CPA6: variants seen among roughly 807,000 people sequenced by gnomAD.
CPA6 encodes carboxypeptidase B.
CPA6 carries 58 observed loss-of-function variants against 63.3 expected under a neutral mutation model. The ratio of observed to expected loss-of-function variants is 0.92; its 90% CI spans 0.74 to 1.14. The LOEUF is 1.14. CPA6 is among the 50% of genes most tolerant of loss of function. The pLI is 0.00. For missense variants in CPA6, 565 were observed against 526.6 expected, an observed-to-expected ratio of 1.07 and a Z score of -0.71; for synonymous variants, 185 against 179.0, an observed-to-expected ratio of 1.03 and a Z score of -0.27.
chr8:67,681,595 G>C (rs1395171339), intron 1 of CPA6, among the ~76,000 whole-genome samples: 1 of 152,022 alleles, frequency 6.6e-6, no homozygotes, highest in Non-Finnish European at 1.5e-5. Flanking sequence ...AATTGTGCAA[G>C]GTATGCATGT....
At chr8:67,584,050 T>C (rs1460466524) in intron 2 of CPA6, among the ~76,000 whole-genome samples, 1 of 152,036 alleles carries the variant, frequency 6.6e-6, no homozygotes, top group Non-Finnish European at 1.5e-5. Context: ...CCCAGCTACT[T>C]GGGAGACTGA....
At chr8:67,428,355 T>C (rs1193107814) in intron 9 of CPA6, among the ~76,000 whole-genome samples, 1 of 152,202 alleles carries the variant, frequency 6.6e-6, no homozygotes, top group African/African-American at 2.4e-5. Context: ...TCAATAATAT[T>C]TTCATTTTAT....
chr8:67,541,293 C>A (rs1052531218), intron 2 of CPA6, among the ~76,000 whole-genome samples: 1 of 151,982 alleles, frequency 6.6e-6, no homozygotes, highest in South Asian at 2.1e-4. Flanking sequence ...AGGAGACTAC[C>A]CCTCATATTG....
intron 1 of CPA6, among the ~76,000 whole-genome samples, chr8:67,733,069 A>G (rs1227907564): frequency 3.3e-5 from 5 of 151,458 alleles, no homozygotes; most frequent in South Asian, 2.1e-4. Context: ...GGTGGCGGGC[A>G]CCTGTAGTCC....
chr8:67,628,856 C>T (rs1055910228), intron 1 of CPA6, among the ~76,000 whole-genome samples: 21 of 152,184 alleles, frequency 1.4e-4, no homozygotes, highest in African/African-American at 3.9e-4. Flanking sequence ...GTGGCTCATG[C>T]CTGTAATACC....
At chr8:67,579,279 G>A (rs1813705543) in intron 2 of CPA6, among the ~76,000 whole-genome samples, 1 of 152,130 alleles carries the variant, frequency 6.6e-6, no homozygotes. Context: ...CAGGTGTGGT[G>A]GTGGGTGCCT....
chr8:67,706,017 T>C (rs1817126676), intron 1 of CPA6, among the ~76,000 whole-genome samples: 2 of 152,184 alleles, frequency 1.3e-5, no homozygotes, highest in South Asian at 4.1e-4. Context: ...ATTTTTGTCC[T>C]AAAGTAAAAT....
intron 2 of CPA6, among the ~76,000 whole-genome samples, chr8:67,552,973 C>A (rs577258609): frequency 6.6e-6 from 1 of 152,054 alleles, no homozygotes; most frequent in East Asian, 1.9e-4. Flanking sequence ...ATTTATGAAG[C>A]TGTGAAATTA....
intron 2 of CPA6, among the ~76,000 whole-genome samples, chr8:67,621,116 T>A (rs1419529301): frequency 1.3e-5 from 2 of 152,218 alleles, no homozygotes; most frequent in Non-Finnish European, 1.5e-5. Context: ...CAACACTGCA[T>A]GTTTGTTGTC....
chr8:67,724,862 C>A (rs1817567995), intron 1 of CPA6, among the ~76,000 whole-genome samples: 1 of 152,302 alleles, frequency 6.6e-6, no homozygotes. Flanking sequence ...CAAGGCCCTG[C>A]CTTAAGGATA....
At chr8:67,495,500 G>GT (rs565638329) in intron 6 of CPA6, among the ~76,000 whole-genome samples, 60 of 152,122 alleles carry the variant, frequency 3.9e-4, no homozygotes, top group African/African-American at 1.3e-3. Context: ...TTTTTTATAT[G>GT]TTTTTTTCAC....
chr8:67,614,275 G>A (rs1306944130), intron 2 of CPA6, among the ~76,000 whole-genome samples: 1 of 152,178 alleles, frequency 6.6e-6, no homozygotes, highest in Non-Finnish European at 1.5e-5. Flanking sequence ...TGAGCAGTGG[G>A]GTGACTGAAC....
intron 2 of CPA6, among the ~76,000 whole-genome samples, chr8:67,594,082 G>A (rs1388691395): frequency 6.6e-6 from 1 of 151,936 alleles, no homozygotes; most frequent in African/African-American, 2.4e-5. Flanking sequence ...AGGCCTGGTG[G>A]TGACAAAATC....
At chr8:67,650,593 T>G (rs549824110) in intron 1 of CPA6, among the ~76,000 whole-genome samples, 1 of 152,224 alleles carries the variant, frequency 6.6e-6, no homozygotes, top group Admixed American at 6.5e-5. Flanking sequence ...GCCAGAGAAA[T>G]GCCATGTGCT....
Position 67,522,497 on chromosome 8 carries a change from G to A in CPA6, c.193-4450C>T, listed in dbSNP as rs189027618. Among the ~76,000 whole-genome samples the A allele has an allele frequency of 7.9e-5, 12 of 152,310 alleles. No homozygotes were observed. The South Asian group carries it at 1.0e-3, about 13-fold the overall frequency. The stretch of plus-strand genomic sequence containing the variant: ...AAACTGCTGGGTGTTAAATGCCCCC[G>A]TTCACCGAGTTGCAGGCGCAGGACT... On this transcript the variant is annotated intron_variant, in intron 2 of 10. Transcript: ENST00000297770.
intron 1 of CPA6, among the ~76,000 whole-genome samples, chr8:67,652,258 A>G (rs997150356): frequency 6.6e-6 from 1 of 152,254 alleles, no homozygotes; most frequent in Admixed American, 6.5e-5. Context: ...GTATATACCC[A>G]GTAATGGAAT....
intron 2 of CPA6, among the ~76,000 whole-genome samples, chr8:67,542,306 T>A (rs2128971068): frequency 6.6e-6 from 1 of 152,354 alleles, no homozygotes; most frequent in East Asian, 1.9e-4. Context: ...TACAACAGTT[T>A]TGAAGACACT....
chr8:67,729,295 A>G (rs1443517951), intron 1 of CPA6, among the ~76,000 whole-genome samples: 1 of 152,242 alleles, frequency 6.6e-6, no homozygotes, highest in Non-Finnish European at 1.5e-5. Context: ...AAATCTGCAC[A>G]TAAGCTGCTC....
chr8:67,477,604 G>A (rs1476096683), intron 8 of CPA6, among the ~76,000 whole-genome samples: 1 of 152,166 alleles, frequency 6.6e-6, no homozygotes, highest in East Asian at 1.9e-4. Context: ...GGATATAAAA[G>A]TGGATTAATG....
Sources: gnomAD v4.1 joint callset for allele counts (sites outside exome capture counted in the v4.1 genomes callset) on GRCh38, gnomAD v4.1.1 for gene constraint, MANE v1.5 for transcripts, NCBI Gene and HGNC (gene_info 2026-07-23, HGNC 2026-07-21) for gene names.